EPHA6: variants seen among roughly 807,000 people sequenced by gnomAD.
The protein encoded by EPHA6 is ephrin type-A receptor 6.
In EPHA6, 50 loss-of-function variants were observed where a neutral mutation model predicts 112.0. That is an observed-to-expected ratio of 0.45 (90% CI 0.36 to 0.56). The LOEUF is 0.56. Among genes scored for constraint, EPHA6 ranks in the 20% least tolerant of loss-of-function variants. EPHA6 has a pLI of 0.00. For synonymous variants in EPHA6, 529 were observed against 490.7 expected (o/e 1.08, Z -1.03); for missense variants, 1,280 against 1,417.4 (o/e 0.90, Z 1.56).
rs1327528229 is a variant in EPHA6, at chr3:97,096,828, A to G, written c.1114+108835A>G. ...AAGGGCTATAGTATAATCTTTTTTT[A>G]TATTCAAATTTAGATCTATGGACAG... On this transcript the variant is annotated intron_variant, in intron 3 of 17. Coordinates refer to ENST00000389672, the MANE Select transcript of EPHA6 (RefSeq NM_001080448.3). Among the ~76,000 whole-genome samples, 4 of 151,860 alleles carry G rather than the reference A, an allele frequency of 2.6e-5. No homozygotes were observed. The East Asian group carries it at 7.7e-4, about 29-fold the overall frequency.
At chr3:97,032,242 A>G (rs547472174) in intron 3 of EPHA6, among the ~76,000 whole-genome samples, 1 of 152,232 alleles carries the variant, frequency 6.6e-6, no homozygotes, top group East Asian at 1.9e-4. Context: ...GTGGGAATTG[A>G]ACAATGAGAA....
Position 97,755,862 on chromosome 3 carries a change from T to A in EPHA6, c.*7161T>A, listed in dbSNP as rs1318252630. ...AATATCATTTAATTTTTCAAAATCA[T>A]GATAGGGAGAAGAATGCTAATTTGT... On this transcript the variant is annotated 3_prime_UTR_variant, in exon 18 of 18. Transcript: ENST00000389672. Among the ~76,000 whole-genome samples, 4 of 152,060 alleles carry A rather than the reference T, an allele frequency of 2.6e-5. No individual in the cohort carries two copies. The highest frequency in any genetic ancestry group is 4.4e-5 in the Non-Finnish European group (3 of 67,908).
chr3:97,559,487 A>G (rs2093159211), intron 11 of EPHA6: 1 of 325,108 alleles, frequency 3.1e-6, no homozygotes, highest in Non-Finnish European at 6.1e-6. Flanking sequence ...GAATCAGCAG[A>G]CAGAATGGAA....
Position 97,405,136 on chromosome 3 carries a change from T to A in EPHA6, c.1607-14T>A, listed in dbSNP as rs2087255782. On this transcript the variant is annotated splice_polypyrimidine_tract_variant and intron_variant, in intron 5 of 17. Transcript: ENST00000389672. The stretch of plus-strand genomic sequence containing the variant: ...TCCTGCCAATTAATTCTTAGTTATT[T>A]TCTTTCCTTTCAGCACCTTCCCTGA... The A allele has an allele frequency of 3.8e-6, 6 of 1,575,514 alleles. No individual in the cohort carries two copies. The highest frequency in any genetic ancestry group is 5.2e-6 in the Non-Finnish European group (6 of 1,159,378).
chr3:97,018,325 A>G (rs753176606), intron 3 of EPHA6, among the ~76,000 whole-genome samples: 1 of 152,044 alleles, frequency 6.6e-6, no homozygotes, highest in Non-Finnish European at 1.5e-5. Context: ...AGAAATAAAG[A>G]CACAAGACAA....
rs186854947 is a variant in EPHA6, at chr3:97,469,149, A to G, written c.1895-6203A>G. ...AGGTATCGAGTTATAAAACATAGTG[A>G]ATTATTTGATGCTCCTTGAATTTTG... On this transcript the variant is annotated intron_variant, in intron 7 of 17. Transcript: ENST00000389672. Among the ~76,000 whole-genome samples, 180 of 151,784 alleles carry G rather than the reference A, an allele frequency of 1.2e-3. 1 individual carries two copies. The highest frequency in any genetic ancestry group is 4.1e-3 in the African/African-American group (170 of 41,492).
At chr3:97,442,592 T>C (rs1319353526) in intron 6 of EPHA6, among the ~76,000 whole-genome samples, 1 of 152,032 alleles carries the variant, frequency 6.6e-6, no homozygotes, top group Non-Finnish European at 1.5e-5. Flanking sequence ...AGAGAGAGAC[T>C]GAAGAACAAA....
chr3:97,585,373 A>G (rs906498373), intron 11 of EPHA6, among the ~76,000 whole-genome samples: 3 of 152,216 alleles, frequency 2.0e-5, no homozygotes, highest in African/African-American at 4.8e-5. Context: ...TGCTAGTGCT[A>G]TAGTTTTAAA....
chr3:97,284,094 TTAAA>T (rs1484820510), intron 5 of EPHA6, among the ~76,000 whole-genome samples: 91 of 152,248 alleles, frequency 6.0e-4, no homozygotes, highest in African/African-American at 2.1e-3. Context: ...TAATACATGT[TTAAA>T]TAAATAAATT....
chr3:97,737,515 T>G (rs770042067), intron 16 of EPHA6, among the ~76,000 whole-genome samples: 1 of 151,976 alleles, frequency 6.6e-6, no homozygotes, highest in African/African-American at 2.4e-5. Context: ...TGTTTGAATA[T>G]GGAGGGAGGG....
At chr3:97,730,302 G>A (rs940549265) in intron 15 of EPHA6, among the ~76,000 whole-genome samples, 2 of 152,018 alleles carry the variant, frequency 1.3e-5, no homozygotes, top group South Asian at 2.1e-4. Flanking sequence ...GTTGATTCTA[G>A]GTTGTTAAAA....
Position 97,086,558 on chromosome 3 carries a change from TAA to T in EPHA6, c.1114+98566_1114+98567del, listed in dbSNP as rs1343987721. ...TAAACTTAGAAAATGGAAAGGATGT[TAA>T]GTTACATGGTTTTCAATGAAATATA... On this transcript the variant is annotated intron_variant, in intron 3 of 17. Coordinates refer to ENST00000389672, the MANE Select transcript of EPHA6 (RefSeq NM_001080448.3). Among the ~76,000 whole-genome samples the T allele has an allele frequency of 3.3e-5, 5 of 152,202 alleles. No individual in the cohort carries two copies. In the East Asian group the frequency reaches 7.7e-4, roughly 23 times the overall value.
chr3:97,213,997 CTGTGTGTGTGTGTGTG>C (rs10557927), intron 3 of EPHA6, among the ~76,000 whole-genome samples: 3 of 128,868 alleles, frequency 2.3e-5, no homozygotes, highest in Non-Finnish European at 4.8e-5. Flanking sequence ...CTCATGTGTT[CTGTGTGTGTGTGTGTG>C]TGTGTGTGTG....
intron 11 of EPHA6, among the ~76,000 whole-genome samples, chr3:97,549,536 T>C (rs935009497): frequency 1.3e-5 from 2 of 152,200 alleles, no homozygotes; most frequent in African/African-American, 4.8e-5. Flanking sequence ...AAGAAGGGCC[T>C]ATATCAGATG....
At chr3:96,932,412 A>T (rs537218327) in intron 2 of EPHA6, among the ~76,000 whole-genome samples, 1 of 152,356 alleles carries the variant, frequency 6.6e-6, no homozygotes, top group South Asian at 2.1e-4. Flanking sequence ...TACTTCAATT[A>T]TTCAGCTTAC....
chr3:96,827,000 C>T (rs1424939788), intron 1 of EPHA6, among the ~76,000 whole-genome samples: 1 of 152,050 alleles, frequency 6.6e-6, no homozygotes, highest in Non-Finnish European at 1.5e-5. Context: ...TTTAAAACGG[C>T]CTAAATTCAG....
chr3:96,831,051 T>C (rs1027035604), intron 1 of EPHA6, among the ~76,000 whole-genome samples: 16 of 152,120 alleles, frequency 1.1e-4, no homozygotes, highest in African/African-American at 3.6e-4. Flanking sequence ...TATTTGCTGA[T>C]TTAAGAAAAA....
intron 11 of EPHA6, among the ~76,000 whole-genome samples, chr3:97,555,595 C>G (rs570455451): frequency 1.1e-4 from 17 of 152,246 alleles, no homozygotes; most frequent in African/African-American, 4.1e-4. Flanking sequence ...CCTGTTGTTT[C>G]CTGACTTTTT....
intron 1 of EPHA6, among the ~76,000 whole-genome samples, chr3:96,843,695 A>C (rs72931367): frequency 6.6e-6 from 1 of 151,972 alleles, no homozygotes; most frequent in African/African-American, 2.4e-5. Context: ...TAAAATTATC[A>C]CTTGAATTGG....
Sources: gnomAD v4.1 joint callset for allele counts (sites outside exome capture counted in the v4.1 genomes callset) on GRCh38, gnomAD v4.1.1 for gene constraint, MANE v1.5 for transcripts, NCBI Gene and HGNC (gene_info 2026-07-23, HGNC 2026-07-21) for gene names.